ZC3H6: variants seen among roughly 807,000 people sequenced by gnomAD.
The protein encoded by ZC3H6 is zinc finger CCCH domain-containing protein 6.
A neutral mutation model predicts 107.7 loss-of-function variants in ZC3H6; 40 were observed. The observed-to-expected ratio is 0.37, with a 90% confidence interval of 0.29 to 0.48. The LOEUF is 0.48. ZC3H6 is among the 20% of genes least tolerant of loss of function. The pLI is 0.98. For missense variants in ZC3H6, 1,267 were observed against 1,410.4 expected (o/e 0.90, Z 1.63); for synonymous variants, 493 against 487.9 (o/e 1.01, Z -0.14).
intron 3 of ZC3H6, among the ~76,000 whole-genome samples, 190 bp from the exon 4 acceptor site, chr2:112,309,695 C>A (rs1179783315): frequency 6.6e-6 from 1 of 152,156 alleles, no homozygotes; most frequent in Non-Finnish European, 1.5e-5. Flanking sequence ...TTAATTATCT[C>A]AGGGTAACAT....
In ZC3H6 at chr2:112,331,903, C is replaced by A. The variant is rs748204107; in HGVS notation, c.2985C>A (p.Ala995=). ...AGGATTCACATGCATCAAAGGGTGC[C>A]CCTCACTTACCCAGATCAAACCCTG... The part of the protein sequence containing the change: ...VMKDSHASKG[A]PHLPRSNPGS... The change falls in exon 12 of 12, where the codon GCC becomes GCA. Residue 995 remains alanine (A), a synonymous_variant. Transcript: ENST00000409871. 6 of 1,613,906 alleles carry A rather than the reference C, an allele frequency of 3.7e-6. No homozygotes were observed. Among genetic ancestry groups the A allele is most frequent in the Non-Finnish European group, 5.1e-6 (6 of 1,179,874 alleles).
rs548129645 is a variant in ZC3H6 at position 112,312,842 on chromosome 2, A to G, written c.747+905A>G. Among the ~76,000 whole-genome samples the G allele has an allele frequency of 4.0e-5, 6 of 148,598 alleles. No individual in the cohort carries two copies. The South Asian group carries it at 1.3e-3, about 32-fold the overall frequency. On this transcript the variant is annotated intron_variant, in intron 5 of 11. Coordinates refer to ENST00000409871, the MANE Select transcript of ZC3H6 (RefSeq NM_198581.3). The stretch of plus-strand genomic sequence containing the variant: ...TCCACTACACTCCAGCCTGGGTGAC[A>G]GAGCGAGACTCCATCTCAAAATAAA...
rs553478252 is a variant in ZC3H6, at chr2:112,320,229, A to G, written c.977-1527A>G. On this transcript the variant is annotated intron_variant, in intron 7 of 11. Transcript: ENST00000409871. ...ATTATAGGCGTGAGCCACTGGGCCC[A>G]GCCTATACACATAATTTTTTAGAAA... 3.9e-5 allele frequency among the ~76,000 whole-genome samples: 6 copies of G among 152,328 alleles called. No individual in the cohort carries two copies. The South Asian group carries it at 1.2e-3, about 32-fold the overall frequency.
At chr2:112,288,631 A>G (rs1211230145) in intron 1 of ZC3H6, among the ~76,000 whole-genome samples, 1 of 152,226 alleles carries the variant, frequency 6.6e-6, no homozygotes, top group African/African-American at 2.4e-5. Context: ...GTGTTCTTCT[A>G]CCTTGCTATG....
In ZC3H6 at chr2:112,275,939, C is replaced by G; in HGVS notation, c.-56C>G. On this transcript the variant is annotated 5_prime_UTR_variant, in exon 1 of 12. Transcript: ENST00000409871. ...GGCGCGGGGGGTCTTCCCCGCGCCC[C>G]GCCGCCGCCGGCCTCGCAGACCTGC... 8 of 1,473,538 alleles carry G rather than the reference C, an allele frequency of 5.4e-6. No individual in the cohort carries two copies. The highest frequency in any genetic ancestry group is 7.2e-6 in the Non-Finnish European group (8 of 1,104,634). The allele number at this position is 1,473,538 out of a possible 1,614,324, so 91.3% of individuals were successfully genotyped here.
In ZC3H6 at chr2:112,332,089, A is replaced by C; in HGVS notation, c.3171A>C (p.Ser1057=). The stretch of plus-strand genomic sequence containing the variant: ...ATGACCCTAGGGATCACGGTTCATC[A>C]TCCACATCAGAGCTAGCAACAGCTT... ...SLYDPRDHGS[S]STSELATASS... The change falls in exon 12 of 12, where the codon TCA becomes TCC. Residue 1057 remains serine (S), a synonymous_variant. Coordinates refer to ENST00000409871, the MANE Select transcript of ZC3H6 (RefSeq NM_198581.3). The C allele has an allele frequency of 6.2e-7, 1 of 1,614,012 alleles. No individual in the cohort carries two copies. Among genetic ancestry groups the C allele is most frequent in the East Asian group, 2.2e-5 (1 of 44,880 alleles).
chr2:112,313,130 T>C (rs1251366740), intron 5 of ZC3H6, among the ~76,000 whole-genome samples: 1 of 152,202 alleles, frequency 6.6e-6, no homozygotes, highest in Non-Finnish European at 1.5e-5. Flanking sequence ...GTAAAGCTTG[T>C]GAGCAGCTTA....
intron 3 of ZC3H6, among the ~76,000 whole-genome samples, chr2:112,305,436 G>T (rs1459660763): frequency 6.6e-6 from 1 of 152,184 alleles, no homozygotes; most frequent in Non-Finnish European, 1.5e-5. Context: ...CAATAATGCA[G>T]TTGTTTTAGG....
At chr2:112,321,545 T>TTGTG (rs746024672) in intron 7 of ZC3H6, among the ~76,000 whole-genome samples, 3 of 150,720 alleles carry the variant, frequency 2.0e-5, no homozygotes, top group Admixed American at 6.6e-5. Flanking sequence ...AGTTGTGGTT[T>TTGTG]TGTGTGTGTG....
chr2:112,304,380 G>T (rs1676437891), intron 3 of ZC3H6, among the ~76,000 whole-genome samples: 1 of 152,218 alleles, frequency 6.6e-6, no homozygotes, highest in African/African-American at 2.4e-5. Context: ...ACAGTCTGGA[G>T]TCTAGAAGCC....
intron 11 of ZC3H6, among the ~76,000 whole-genome samples, chr2:112,325,844 A>C (rs1229075573): frequency 1.3e-5 from 2 of 152,066 alleles, no homozygotes; most frequent in African/African-American, 4.8e-5. Context: ...ATTATATGGA[A>C]ACTAAGTTTA....
At chr2:112,308,602 T>C (rs914419809) in intron 3 of ZC3H6, among the ~76,000 whole-genome samples, 4 of 150,166 alleles carry the variant, frequency 2.7e-5, no homozygotes, top group Non-Finnish European at 4.5e-5. Flanking sequence ...AGCTCATTTT[T>C]GTATTTTTTG....
rs967534509 is a variant in ZC3H6 at position 112,335,247 on chromosome 2, AC to A, written c.*2764del. 8 of 152,106 alleles carry A rather than the reference AC, an allele frequency of 5.3e-5. No individual in the cohort carries two copies. The highest frequency in any genetic ancestry group is 1.9e-4 in the African/African-American group (8 of 41,414). The allele number at this position is 152,106 out of a possible 1,614,324, so 9.4% of individuals were successfully genotyped here. A position where few individuals can be genotyped will look rare whatever the true frequency, so the allele number is the denominator to read the frequency against. On this transcript the variant is annotated 3_prime_UTR_variant, in exon 12 of 12. Coordinates refer to ENST00000409871, the MANE Select transcript of ZC3H6 (RefSeq NM_198581.3). ...TCTATTTCCCAGCTGAATGTTTCAA[AC>A]CCCCAAATTAGGCTGCAACCGAAAG...
intron 4 of ZC3H6, among the ~76,000 whole-genome samples, chr2:112,311,496 A>T (rs2104713432): frequency 6.6e-6 from 1 of 152,280 alleles, no homozygotes; most frequent in African/African-American, 2.4e-5. Flanking sequence ...ATAATATTTG[A>T]TTCTCTTAAA....
chr2:112,311,327 T>C (rs1676586662), intron 4 of ZC3H6, among the ~76,000 whole-genome samples: 1 of 152,212 alleles, frequency 6.6e-6, no homozygotes, highest in African/African-American at 2.4e-5. Context: ...AATTTGGGTA[T>C]CTTTTTACAT....
chr2:112,288,611 C>G (rs1187310242), intron 1 of ZC3H6, among the ~76,000 whole-genome samples: 3 of 152,210 alleles, frequency 2.0e-5, no homozygotes, highest in African/African-American at 7.2e-5. Context: ...CTTTCTGGTT[C>G]TAGAGCTTTG....
At position 112,321,809 on chromosome 2, in the gene ZC3H6, A is replaced by T. The variant is rs1187542936; in HGVS notation, c.1030A>T (p.Asn344Tyr). ...TGGAGCAAAATGTTACCAGGGAGAC[A>T]ACTGTAAATTTTCCCATGATGATCT... is the stretch of plus-strand genomic sequence containing the variant. ...HSGAKCYQGDNCKFSHDDLTK... is the reference protein window; with the variant it reads ...HSGAKCYQGDYCKFSHDDLTK... The change falls in exon 8 of 12, where the codon AAC (asparagine) becomes TAC (tyrosine). Residue 344 changes from asparagine (N) to tyrosine (Y), a missense_variant. Transcript: ENST00000409871. The T allele has an allele frequency of 6.4e-7, 1 of 1,552,222 alleles. No individual in the cohort carries two copies. The highest frequency in any genetic ancestry group is 8.7e-7 in the Non-Finnish European group (1 of 1,148,220).
intron 6 of ZC3H6, among the ~76,000 whole-genome samples, chr2:112,316,917 AC>A (rs150993272): frequency 3.5e-4 from 54 of 152,318 alleles, no homozygotes; most frequent in African/African-American, 1.3e-3. Flanking sequence ...TATTCATGGC[AC>A]CAAGAGGTTA....
intron 5 of ZC3H6, among the ~76,000 whole-genome samples, chr2:112,313,137 C>T (rs1676623018): frequency 6.6e-6 from 1 of 152,120 alleles, no homozygotes; most frequent in Non-Finnish European, 1.5e-5. Context: ...TTGTGAGCAG[C>T]TTAGGCAAAA....
Sources: allele counts gnomAD v4.1 joint callset (sites outside exome capture counted in the v4.1 genomes callset), GRCh38; gene constraint gnomAD v4.1.1; transcripts MANE v1.5; gene names NCBI Gene and HGNC (gene_info 2026-07-23, HGNC 2026-07-21).